The following C2orf76 variants were observed in gnomAD, a reference collection of about 807,000 sequenced individuals.
C2orf76 encodes the protein chromosome 2 open reading frame 76.
Under a neutral mutation model 16.9 loss-of-function variants are expected in C2orf76, and 23 were observed. The observed-to-expected ratio is 1.36, with a 90% CI of 0.98 to 1.93. C2orf76 has a LOEUF of 1.93. Among genes scored for constraint, C2orf76 ranks in the 30% most tolerant of loss-of-function variants. C2orf76 has a pLI of 0.00. For missense variants in C2orf76, 152 were observed against 152.6 expected (o/e 1.00, Z 0.02); for synonymous variants, 48 against 52.3 (o/e 0.92, Z 0.35).
the C2orf76 span, among the ~76,000 whole-genome samples, chr2:119,282,010 G>C: frequency 2.6e-5 from 4 of 152,262 alleles, no homozygotes; most frequent in African/African-American, 9.6e-5. Context: ...GCCAGGTGTG[G>C]TGGTGGACGC....
the C2orf76 span, among the ~76,000 whole-genome samples, chr2:119,285,471 C>A: frequency 1.3e-5 from 2 of 152,318 alleles, no homozygotes; most frequent in South Asian, 4.1e-4. Context: ...CCAAGAGGAT[C>A]TGTCCCGTTT....
Position 119,303,702 on chromosome 2 carries a change from C to A in C2orf76, c.305-1154G>T, listed in dbSNP as rs147059076. ...TGTTTTTGCTGTTTTCAAGAATATCCAATTTAATGTTTGTTAATCATAAGC... is the reference window on the plus strand; with the variant it reads ...TGTTTTTGCTGTTTTCAAGAATATCAAATTTAATGTTTGTTAATCATAAGC... On this transcript the variant is annotated intron_variant, in intron 5 of 5. Coordinates refer to ENST00000334816, the MANE Select transcript of C2orf76 (RefSeq NM_001322331.2). 5.4e-4 allele frequency among the ~76,000 whole-genome samples: 82 copies of A among 152,172 alleles called. 3 individuals carry two copies. The East Asian group carries it at 0.016, about 29-fold the overall frequency.
chr2:119,304,315 C>T (rs560309836), intron 5 of C2orf76, among the ~76,000 whole-genome samples: 3 of 152,352 alleles, frequency 2.0e-5, no homozygotes, highest in East Asian at 3.9e-4. Flanking sequence ...CACAGCACTT[C>T]GCTCAGTCCA....
chr2:119,329,025 T>C (rs1197027488), intron 2 of C2orf76, among the ~76,000 whole-genome samples: 3 of 152,194 alleles, frequency 2.0e-5, no homozygotes, highest in African/African-American at 7.2e-5. Flanking sequence ...TCATAAACGC[T>C]CCATGTGCAT....
intron 1 of C2orf76, among the ~76,000 whole-genome samples, chr2:119,360,862 G>A (rs916168693): frequency 2.0e-5 from 3 of 152,160 alleles, no homozygotes; most frequent in Admixed American, 6.5e-5. Flanking sequence ...ATTATTCTGA[G>A]TGAAGAAAAA....
At chr2:119,339,715 C>T (rs1475249374) in intron 2 of C2orf76, 112 bp downstream of exon 2, 1 of 1,208,176 alleles carries the variant, frequency 8.3e-7, no homozygotes, top group Non-Finnish European at 1.1e-6. Context: ...TGGCTTGGAA[C>T]CCAGGTTAAT....
At chr2:119,322,122 A>G (rs1001629884) in intron 2 of C2orf76, among the ~76,000 whole-genome samples, 17 of 151,456 alleles carry the variant, frequency 1.1e-4, no homozygotes, top group East Asian at 3.9e-4. Flanking sequence ...ATATATGTGT[A>G]TATATATATA....
rs371085716 is a variant in C2orf76, at chr2:119,317,174, A to G, written c.222+292T>C. Among the ~76,000 whole-genome samples the G allele has an allele frequency of 2.4e-4, 36 of 152,276 alleles. No individual in the cohort carries two copies. The East Asian group carries it at 6.2e-3, about 26-fold the overall frequency. On this transcript the variant is annotated intron_variant, in intron 4 of 5. Coordinates refer to ENST00000334816, the MANE Select transcript of C2orf76 (RefSeq NM_001322331.2). ...AGCAGTTTCTTTTATCTGTAAATTG[A>G]ATTTACTTTTCCAAGTTTTATGCTT...
Position 119,365,965 on chromosome 2 carries a change from T to C in C2orf76, c.-13+825A>G, listed in dbSNP as rs942838982. On this transcript the variant is annotated intron_variant, in intron 1 of 5. Coordinates refer to ENST00000334816, the MANE Select transcript of C2orf76 (RefSeq NM_001322331.2). Reference sequence around the variant, plus strand: ...ACCGCCAAAACTCTCCAGCCTCATCTTTCTACTCTTCCCCTGGTTCCTTGC... The same window carrying C: ...ACCGCCAAAACTCTCCAGCCTCATCCTTCTACTCTTCCCCTGGTTCCTTGC... Among the ~76,000 whole-genome samples the C allele has an allele frequency of 2.0e-5, 3 of 152,158 alleles. No individual in the cohort carries two copies. In the South Asian group the frequency reaches 6.2e-4, roughly 32 times the overall value.
rs576086536 is a variant in C2orf76 at position 119,326,680 on chromosome 2, G to A, written c.134-5476C>T. Among the ~76,000 whole-genome samples the A allele has an allele frequency of 1.3e-3, 199 of 152,032 alleles. 1 individual carries two copies. Among genetic ancestry groups the A allele is most frequent in the African/African-American group, 4.6e-3 (193 of 41,538 alleles). On this transcript the variant is annotated intron_variant, in intron 2 of 5. Transcript: ENST00000334816. ...GGACACATGACATCTTAACAGTTTT[G>A]AGTTTTCTGATCCATGAACACAGTA...
chr2:119,366,659 G>T, intron 1 of C2orf76, 131 bp downstream of exon 1: 1 of 428,548 alleles, frequency 2.3e-6, no homozygotes, highest in Non-Finnish European at 4.4e-6. Context: ...AGAAACATAA[G>T]GACCTCCGTT....
chr2:119,307,951 C>T (rs1408396501), intron 5 of C2orf76, among the ~76,000 whole-genome samples: 1 of 152,228 alleles, frequency 6.6e-6, no homozygotes, highest in Non-Finnish European at 1.5e-5. Flanking sequence ...ACACATCACT[C>T]CGGATGCCTT....
intron 2 of C2orf76, among the ~76,000 whole-genome samples, chr2:119,334,662 C>A (rs1161826458): frequency 2.0e-5 from 3 of 149,468 alleles, no homozygotes; most frequent in African/African-American, 5.0e-5. Flanking sequence ...TGCACTCTAG[C>A]CTGGGCAACT....
chr2:119,347,838 C>T (rs976463019), intron 1 of C2orf76, among the ~76,000 whole-genome samples: 2 of 152,038 alleles, frequency 1.3e-5, no homozygotes, highest in South Asian at 4.2e-4. Flanking sequence ...ATCCACTTTC[C>T]CCCACTTGGC....
chr2:119,305,184 C>T (rs9646940), intron 5 of C2orf76, among the ~76,000 whole-genome samples: 108,313 of 152,092 alleles, frequency 0.71, 39,570 homozygotes, highest in African/African-American at 0.89. Flanking sequence ...AATACATTTG[C>T]AGGATCCTTT....
At chr2:119,336,674 C>T (rs1013264921) in intron 2 of C2orf76, among the ~76,000 whole-genome samples, 4 of 151,302 alleles carry the variant, frequency 2.6e-5, no homozygotes, top group African/African-American at 7.3e-5. Context: ...GGAGGAGGAT[C>T]GAAAAATAAA....
intron 4 of C2orf76, among the ~76,000 whole-genome samples, chr2:119,314,025 T>TTTG (rs1318706375): frequency 6.7e-6 from 1 of 148,896 alleles, no homozygotes; most frequent in Non-Finnish European, 1.5e-5. Flanking sequence ...TTTTTTTTTT[T>TTTG]TTTTTTTTTT....
the C2orf76 span, among the ~76,000 whole-genome samples, chr2:119,284,661 T>C: frequency 6.6e-6 from 1 of 150,378 alleles, no homozygotes; most frequent in Non-Finnish European, 1.5e-5. Context: ...ATATAGTGGG[T>C]GGGTTGTTTT....
At chr2:119,310,488 G>A (rs886354686) in intron 5 of C2orf76, among the ~76,000 whole-genome samples, 11 of 152,030 alleles carry the variant, frequency 7.2e-5, no homozygotes, top group Non-Finnish European at 4.4e-5. Context: ...TGCTCATCAC[G>A]TGAATCAATC....
Sources: allele counts gnomAD v4.1 joint callset (sites outside exome capture counted in the v4.1 genomes callset), GRCh38; gene constraint gnomAD v4.1.1; transcripts MANE v1.5; gene names NCBI Gene and HGNC (gene_info 2026-07-23, HGNC 2026-07-21).